EP400: variants seen among roughly 807,000 people sequenced by gnomAD.
EP400 encodes E1A binding protein p400, also known as E1A-binding protein p400.
EP400 carries 105 observed loss-of-function variants against 354.1 expected under a neutral mutation model. The observed-to-expected ratio is 0.30, with a 90% CI of 0.25 to 0.35. The LOEUF is 0.35. Among genes scored for constraint, EP400 ranks in the 10% least tolerant of loss-of-function variants. The pLI is 1.00. For synonymous variants in EP400, 1,646 were observed against 1,716.9 expected (o/e 0.96, Z 1.02); for missense variants, 3,280 against 4,121.0 (o/e 0.80, Z 5.59).
intron 5 of EP400, among the ~76,000 whole-genome samples, chr12:131,985,239 A>G (rs186808198): frequency 6.6e-6 from 1 of 152,352 alleles, no homozygotes; most frequent in East Asian, 1.9e-4. Context: ...ACACTTTCTC[A>G]GTCAAGGGCC....
intron 2 of EP400, 46 bp downstream of exon 2, chr12:131,962,000 T>A: frequency 6.4e-7 from 1 of 1,557,014 alleles, no homozygotes; most frequent in Non-Finnish European, 8.7e-7. Flanking sequence ...TTCTAGATGA[T>A]CAGAGTCTAT....
chr12:131,972,204 G>A (rs1892308901), intron 2 of EP400, among the ~76,000 whole-genome samples: 1 of 150,958 alleles, frequency 6.6e-6, no homozygotes, highest in Non-Finnish European at 1.5e-5. Flanking sequence ...CCAGGCTGGA[G>A]TGCAGTGGCG....
Position 132,025,118 on chromosome 12 carries a change from C to T in EP400, c.4856-528C>T, listed in dbSNP as rs756326046. On this transcript the variant is annotated intron_variant, in intron 24 of 52. Transcript: ENST00000389561. The surrounding 1 kb of genome is among the most constrained non-coding windows in gnomAD (Gnocchi z 4.1). ...TTTTTGGCCCACAGAGGCTGGGTCG[C>T]TTGGTAACATCTCTGATGGCCGCCG... 1.9e-4 allele frequency among the ~76,000 whole-genome samples: 29 copies of T among 152,008 alleles called. No homozygotes were observed. The highest frequency in any genetic ancestry group is 3.7e-4 in the Non-Finnish European group (25 of 68,002).
chr12:131,999,920 C>T (rs1255133149), intron 12 of EP400, among the ~76,000 whole-genome samples: 2 of 150,664 alleles, frequency 1.3e-5, no homozygotes, highest in Non-Finnish European at 2.9e-5. Context: ...CCTTCTTTCT[C>T]CTAATACTGT....
At chr12:132,041,595 G>C (rs1159967080) in intron 32 of EP400, among the ~76,000 whole-genome samples, 1 of 152,158 alleles carries the variant, frequency 6.6e-6, no homozygotes, top group Non-Finnish European at 1.5e-5. Context: ...TGATGGAGTG[G>C]TTCATTTGAA....
Position 132,050,186 on chromosome 12 carries a change from G to T in EP400, c.7201-137G>T. The T allele has an allele frequency of 9.2e-7, 1 of 1,086,840 alleles. No individual in the cohort carries two copies. 67.3% of individuals were successfully genotyped at this position (1,086,840 alleles called of 1,614,324 possible). Reference sequence around the variant, plus strand: ...GTTGGGTTATGCCTGAACTTGGAAAGAAGGCCCAGGAAAAGGAAGTTTGTG... The same window carrying T: ...GTTGGGTTATGCCTGAACTTGGAAATAAGGCCCAGGAAAAGGAAGTTTGTG... On this transcript the variant is annotated intron_variant, in intron 39 of 52. Transcript: ENST00000389561. This position sits in a 1 kb window ranked among gnomAD's most constrained non-coding sequence, Gnocchi z 4.8.
chr12:132,052,609 C>T lies in EP400; in HGVS notation c.7395-537C>T, dbSNP rs541553210. Reference sequence around the variant, plus strand: ...TGTCGTCTGATGTGAGTGCTGTGATCGCTGGGACTCTAGCGTCTGGGAGCA... The same window carrying T: ...TGTCGTCTGATGTGAGTGCTGTGATTGCTGGGACTCTAGCGTCTGGGAGCA... On this transcript the variant is annotated intron_variant, in intron 41 of 52. Coordinates refer to ENST00000389561, the MANE Select transcript of EP400 (RefSeq NM_015409.5). The surrounding 1 kb of genome is among the most constrained non-coding windows in gnomAD (Gnocchi z 4.4). Among the ~76,000 whole-genome samples the T allele has an allele frequency of 1.3e-5, 2 of 152,334 alleles. No homozygotes were observed. Among genetic ancestry groups the T allele is most frequent in the South Asian group, 4.1e-4 (2 of 4,832 alleles).
rs530486858 is a variant in EP400 at position 132,012,425 on chromosome 12, C to T, written c.3442-584C>T. Among the ~76,000 whole-genome samples the T allele has an allele frequency of 5.3e-5, 8 of 152,158 alleles. No homozygotes were observed. In the East Asian group the frequency reaches 5.8e-4, roughly 11 times the overall value. ...GCTGCACATTTTGGAGGGGACATGG[C>T]GGAAGGGATGGAAGGGCAAAAGGGT... is the stretch of plus-strand genomic sequence containing the variant. On this transcript the variant is annotated intron_variant, in intron 16 of 52. Transcript: ENST00000389561.
At chr12:132,031,320 A>C (rs1237775739) in intron 29 of EP400, 3 of 519,152 alleles carry the variant, frequency 5.8e-6, no homozygotes, top group South Asian at 4.2e-5. Context: ...CCCCAGTAAG[A>C]CGCTGTTTTC....
chr12:132,033,216 G>A (rs1353571009), intron 30 of EP400, among the ~76,000 whole-genome samples: 2 of 152,148 alleles, frequency 1.3e-5, no homozygotes, highest in Admixed American at 6.6e-5. Flanking sequence ...CCAAAGTGCT[G>A]GGATTATAGG....
chr12:131,979,602 A>ATAATTTT, intron 2 of EP400, 92 bp from the exon 3 acceptor site: 1 of 1,068,224 alleles, frequency 9.4e-7, no homozygotes, highest in Non-Finnish European at 1.3e-6. Flanking sequence ...GAAAGGAAGG[A>ATAATTTT]GGTCGATGTT....
intron 45 of EP400, among the ~76,000 whole-genome samples, chr12:132,057,205 A>G (rs1054133945): frequency 2.6e-5 from 4 of 152,262 alleles, no homozygotes; most frequent in Non-Finnish European, 4.4e-5. Flanking sequence ...AAGAACCCTC[A>G]ACACCAATGT....
rs144468246 is a variant in EP400 at position 132,018,261 on chromosome 12, C to T, written c.4162C>T (p.Arg1388Cys). Residue 1388 changes from arginine to cysteine, a missense_variant, in exon 21 of 53, where the codon CGT becomes TGT. Coordinates refer to ENST00000389561, the MANE Select transcript of EP400 (RefSeq NM_015409.5). This position sits in a 1 kb window ranked among gnomAD's most constrained non-coding sequence, Gnocchi z 4.0. ...DLIGLENKIT[R>C]HEAELLSKKK... ...CATCGGCTTAGAAAATAAAATCACT[C>T]GTCACGAGGCAGAGTTGCTGTCTAA... 2.5e-5 allele frequency: 41 copies of T among 1,613,510 alleles called. No homozygotes were observed. Among genetic ancestry groups the T allele is most frequent in the Middle Eastern group, 1.6e-4 (1 of 6,076 alleles).
At position 132,030,170 on chromosome 12, in the gene EP400, A is replaced by T. The variant is rs373265222; in HGVS notation, c.5754+12A>T. 6.2e-7 allele frequency: 1 copy of T among 1,613,644 alleles called. No individual in the cohort carries two copies. The highest frequency in any genetic ancestry group is 1.3e-5 in the African/African-American group (1 of 74,932). ...GTGAGCAACGGCAGGTGAGAAGCAC[A>T]TTGTTTACATTGTCTCTGATGGGTC... On this transcript the variant is annotated intron_variant, in intron 29 of 52. Coordinates refer to ENST00000389561, the MANE Select transcript of EP400 (RefSeq NM_015409.5).
chr12:132,021,334 A>G lies in EP400; in HGVS notation c.4690+13A>G. 4.0e-6 allele frequency: 6 copies of G among 1,503,208 alleles called. No individual in the cohort carries two copies. The highest frequency in any genetic ancestry group is 5.3e-6 in the Non-Finnish European group (6 of 1,134,346). The allele number at this position is 1,503,208 out of a possible 1,614,324, so 93.1% of individuals were successfully genotyped here. A position where few individuals can be genotyped will look rare whatever the true frequency, so the allele number is the denominator to read the frequency against. On this transcript the variant is annotated intron_variant, in intron 23 of 52. Coordinates refer to ENST00000389561, the MANE Select transcript of EP400 (RefSeq NM_015409.5). ...GCCCGCTTGCCCAGTAAGTGGCCTCACCTTTCCAGGTTTCTGCCATCTCTC... is the reference window on the plus strand; with the variant it reads ...GCCCGCTTGCCCAGTAAGTGGCCTCGCCTTTCCAGGTTTCTGCCATCTCTC...
rs1893821778 is a variant in EP400 at position 132,013,226 on chromosome 12, A to G, written c.3611+48A>G. The G allele has an allele frequency of 6.4e-7, 1 of 1,561,546 alleles. No homozygotes were observed. The highest frequency in any genetic ancestry group is 8.7e-7 in the Non-Finnish European group (1 of 1,149,784). ...ATTGAGTGTTCTTTGCTGTTGATGT[A>G]GAAGATTCTCTTGAAGAAATCTGCA... On this transcript the variant is annotated intron_variant, in intron 17 of 52. Transcript: ENST00000389561. This position sits in a 1 kb window ranked among gnomAD's most constrained non-coding sequence, Gnocchi z 4.5.
At chr12:132,066,722 A>C in intron 48 of EP400, 52 bp from the exon 49 acceptor site, 268 of 1,554,092 alleles carry the variant, frequency 1.7e-4, no homozygotes, top group Non-Finnish European at 2.1e-4. Context: ...ATTTGGAAAG[A>C]CATACCGTGT....
At chr12:132,065,128 G>C (rs888412292) in intron 48 of EP400, 49 of 707,868 alleles carry the variant, frequency 6.9e-5, no homozygotes, top group Admixed American at 1.8e-4. Context: ...TGAATTGAGG[G>C]GGGTGGAGAG....
At chr12:132,057,224 G>C (rs1306166146) in intron 45 of EP400, among the ~76,000 whole-genome samples, 1 of 152,210 alleles carries the variant, frequency 6.6e-6, no homozygotes, top group Non-Finnish European at 1.5e-5. Context: ...GTTTATAGTG[G>C]CTTTATTCAG....
Sources: allele counts gnomAD v4.1 joint callset (sites outside exome capture counted in the v4.1 genomes callset), GRCh38; gene constraint gnomAD v4.1.1; non-coding constraint Gnocchi (gnomAD v3.1); transcripts MANE v1.5; gene names NCBI Gene and HGNC (gene_info 2026-07-23, HGNC 2026-07-21).